Variants in CNKSR3 observed in about 807,000 individuals in gnomAD.
CNKSR3 encodes the protein connector enhancer of kinase suppressor of ras 3.
CNKSR3 carries 36 observed loss-of-function variants against 67.7 expected under a neutral mutation model. The ratio of observed to expected loss-of-function variants is 0.53; its 90% CI spans 0.41 to 0.70. The LOEUF (loss-of-function observed/expected upper bound fraction) is 0.70. Among genes scored for constraint, CNKSR3 ranks in the 30% least tolerant of loss-of-function variants. The pLI, the probability that CNKSR3 is intolerant of heterozygous loss-of-function variation, is 0.00. For synonymous variants in CNKSR3, 281 were observed against 271.4 expected (o/e 1.04, Z -0.35); for missense variants, 630 against 695.2 (o/e 0.91, Z 1.05).
intron 9 of CNKSR3, among the ~76,000 whole-genome samples, chr6:154,418,271 C>T (rs904451943): frequency 1.3e-5 from 2 of 152,166 alleles, no homozygotes; most frequent in African/African-American, 4.8e-5. Flanking sequence ...TTGCTGCCTC[C>T]CCGTCATCAT....
chr6:154,413,677 C>T (rs895339757), intron 10 of CNKSR3, among the ~76,000 whole-genome samples: 3 of 152,132 alleles, frequency 2.0e-5, no homozygotes, highest in Non-Finnish European at 4.4e-5. Context: ...CTGCAGGGCC[C>T]CCAATAGACC....
At chr6:154,436,234 T>C (rs753456758) in intron 4 of CNKSR3, among the ~76,000 whole-genome samples, 1 of 152,240 alleles carries the variant, frequency 6.6e-6, no homozygotes, top group Non-Finnish European at 1.5e-5. Flanking sequence ...TGCAGTGGCA[T>C]GAACATGGCT....
intron 1 of CNKSR3, among the ~76,000 whole-genome samples, chr6:154,453,633 C>T (rs1562339981): frequency 6.6e-6 from 1 of 152,168 alleles, no homozygotes; most frequent in Non-Finnish European, 1.5e-5. Flanking sequence ...TGTCACCCCC[C>T]AGAGTTTTAT....
intron 1 of CNKSR3, among the ~76,000 whole-genome samples, chr6:154,468,391 T>TACACAC (rs1491536675): frequency 4.5e-5 from 4 of 88,078 alleles, no homozygotes; most frequent in Non-Finnish European, 8.9e-5. Context: ...ATATATATTT[T>TACACAC]ATACACACAC....
intron 4 of CNKSR3, among the ~76,000 whole-genome samples, chr6:154,437,866 A>G (rs1471863496): frequency 5.3e-5 from 8 of 152,276 alleles, no homozygotes; most frequent in Non-Finnish European, 8.8e-5. Flanking sequence ...ACAAAAAAAT[A>G]CCAGAGAATA....
At chr6:154,477,598 G>T (rs1243184796) in intron 1 of CNKSR3, among the ~76,000 whole-genome samples, 1 of 152,046 alleles carries the variant, frequency 6.6e-6, no homozygotes, top group Non-Finnish European at 1.5e-5. Flanking sequence ...TGGGATTACA[G>T]AAGTGAGCCA....
At chr6:154,500,256 A>AACACACACACACACACAC (rs5881088) in intron 1 of CNKSR3, among the ~76,000 whole-genome samples, 1 of 147,214 alleles carries the variant, frequency 6.8e-6, no homozygotes, top group African/African-American at 2.5e-5. Context: ...TAAAATTAGA[A>AACACACACACACACACAC]ACACACACAC....
intron 9 of CNKSR3, 38 bp downstream of exon 9, chr6:154,422,468 A>T: frequency 6.3e-7 from 1 of 1,597,518 alleles, no homozygotes. Flanking sequence ...GAGATACTCA[A>T]CATTGTTGGA....
Position 154,395,580 on chromosome 6 carries a change from T to C in CNKSR3, c.*10774A>G, listed in dbSNP as rs906380828. Reference sequence around the variant, plus strand: ...TGTAGCAATATGCAAAGGACATTACTTGAAAACTCAACTTTCTTGTTCTCA... The same window carrying C: ...TGTAGCAATATGCAAAGGACATTACCTGAAAACTCAACTTTCTTGTTCTCA... On this transcript the variant is annotated 3_prime_UTR_variant, in exon 13 of 13. Coordinates refer to ENST00000607772, the MANE Select transcript of CNKSR3 (RefSeq NM_173515.4). 6.6e-6 allele frequency: 1 copy of C among 152,204 alleles called. No homozygotes were observed. The highest frequency in any genetic ancestry group is 1.5e-5 in the Non-Finnish European group (1 of 68,034). 9.4% of individuals were successfully genotyped at this position (152,204 alleles called of 1,614,324 possible).
At chr6:154,447,482 A>G (rs959567203) in intron 2 of CNKSR3, among the ~76,000 whole-genome samples, 53 of 152,168 alleles carry the variant, frequency 3.5e-4, no homozygotes, top group African/African-American at 1.3e-3. Flanking sequence ...GTCTCATCAT[A>G]TAATACAAAT....
intron 1 of CNKSR3, among the ~76,000 whole-genome samples, chr6:154,454,666 T>G (rs1333347565): frequency 1.3e-5 from 2 of 151,946 alleles, no homozygotes; most frequent in African/African-American, 4.8e-5. Context: ...GGACTACAGG[T>G]GTGTGCCACC....
chr6:154,420,688 C>CAAAAAA (rs1166654953), intron 9 of CNKSR3, among the ~76,000 whole-genome samples: 1 of 79,386 alleles, frequency 1.3e-5, no homozygotes, highest in Non-Finnish European at 2.4e-5. Context: ...GACTCCGTCT[C>CAAAAAA]AAAAAAAAAA....
rs1786114532 is a variant in CNKSR3 at position 154,463,021 on chromosome 6, A to G, written c.53-12763T>C. 2.6e-5 allele frequency among the ~76,000 whole-genome samples: 4 copies of G among 152,310 alleles called. No individual in the cohort carries two copies. The South Asian group carries it at 8.3e-4, about 32-fold the overall frequency. ...CTGCAGTTTGGAGATGCATAAATCA[A>G]TAAAGTTGTACAATTTCCCCCCACC... On this transcript the variant is annotated intron_variant, in intron 1 of 12. Transcript: ENST00000607772.
At chr6:154,469,515 C>T (rs767201958) in intron 1 of CNKSR3, among the ~76,000 whole-genome samples, 21 of 152,158 alleles carry the variant, frequency 1.4e-4, no homozygotes, top group Non-Finnish European at 2.1e-4. Flanking sequence ...AGGAAAAGCA[C>T]CATCCTATTA....
At chr6:154,495,867 A>G (rs1786867348) in intron 1 of CNKSR3, among the ~76,000 whole-genome samples, 2 of 151,770 alleles carry the variant, frequency 1.3e-5, no homozygotes. Context: ...AGGCCCTTTC[A>G]ACTCTCACCA....
chr6:154,453,612 G>C (rs1248377409), intron 1 of CNKSR3, among the ~76,000 whole-genome samples: 3 of 152,120 alleles, frequency 2.0e-5, no homozygotes, highest in African/African-American at 7.2e-5. Flanking sequence ...AATATGCTAG[G>C]TTTTAAATAG....
chr6:154,422,443 T>C, intron 9 of CNKSR3, 63 bp downstream of exon 9: 1 of 1,495,496 alleles, frequency 6.7e-7, no homozygotes, highest in South Asian at 1.2e-5. Context: ...AATCTCTTTT[T>C]GTTTGGAGAC....
In CNKSR3 at chr6:154,396,831, GCT is replaced by G. The variant is rs1267512496; in HGVS notation, c.*9521_*9522del. 1 of 147,620 alleles carries G rather than the reference GCT, an allele frequency of 6.8e-6. No individual in the cohort carries two copies. The highest frequency in any genetic ancestry group is 1.5e-5 in the Non-Finnish European group (1 of 67,360). The allele number at this position is 147,620 out of a possible 1,614,324, so 9.1% of individuals were successfully genotyped here. Reference sequence around the variant, plus strand: ...TTTTTTTTTTTTGAGACGGAGTCTCGCTCTGTCTCCCAGGCTGGAGTGCAGTG... The same window carrying G: ...TTTTTTTTTTTTGAGACGGAGTCTCGCTGTCTCCCAGGCTGGAGTGCAGTG... On this transcript the variant is annotated 3_prime_UTR_variant, in exon 13 of 13. Transcript: ENST00000607772.
intron 1 of CNKSR3, among the ~76,000 whole-genome samples, chr6:154,472,763 C>T (rs1175310539): frequency 6.6e-6 from 1 of 150,416 alleles, no homozygotes; most frequent in Non-Finnish European, 1.5e-5. Flanking sequence ...TAAGGTCTGG[C>T]CATACTTAGA....
Sources: gnomAD v4.1 joint callset for allele counts (sites outside exome capture counted in the v4.1 genomes callset) on GRCh38, gnomAD v4.1.1 for gene constraint, MANE v1.5 for transcripts, NCBI Gene and HGNC (gene_info 2026-07-23, HGNC 2026-07-21) for gene names.